ULK4: variants seen among roughly 807,000 people sequenced by gnomAD.
ULK4 encodes the protein inactive serine/threonine-protein kinase ULK4.
ULK4 carries 133 observed loss-of-function variants against 160.6 expected under a neutral mutation model. The ratio of observed to expected loss-of-function variants is 0.83; its 90% CI spans 0.72 to 0.96. ULK4 has a LOEUF of 0.96. Ranked by LOEUF, ULK4 falls within the 40% of genes least tolerant of loss-of-function variation. The pLI, the probability that ULK4 is intolerant of heterozygous loss-of-function variation, is 0.00. For missense variants in ULK4, 1,580 were observed against 1,499.5 expected (o/e 1.05, Z -0.89); for synonymous variants, 534 against 539.8 (o/e 0.99, Z 0.15).
chr3:41,412,142 T>G (rs1440023146), intron 34 of ULK4, among the ~76,000 whole-genome samples: 1 of 152,182 alleles, frequency 6.6e-6, no homozygotes, highest in African/African-American at 2.4e-5. Context: ...ATTGCAATTT[T>G]CACGTAAGTA....
intron 22 of ULK4, among the ~76,000 whole-genome samples, chr3:41,749,995 G>A (rs1210082403): frequency 6.6e-6 from 1 of 152,166 alleles, no homozygotes; most frequent in Non-Finnish European, 1.5e-5. Flanking sequence ...AAGAAAGTGA[G>A]GATGTCAGTC....
chr3:41,263,483 CT>C (rs1432499402), intron 35 of ULK4, among the ~76,000 whole-genome samples: 3 of 152,208 alleles, frequency 2.0e-5, no homozygotes, highest in African/African-American at 7.2e-5. Context: ...CAGCTTCCTT[CT>C]TTCCCCAGTT....
chr3:41,583,336 G>A (rs184205976), intron 31 of ULK4, among the ~76,000 whole-genome samples: 194 of 151,728 alleles, frequency 1.3e-3, no homozygotes, highest in African/African-American at 4.2e-3. Flanking sequence ...AACCTTTTAC[G>A]GCAATTTGAT....
chr3:41,791,597 C>T (rs1004336277), intron 20 of ULK4, among the ~76,000 whole-genome samples: 14 of 152,108 alleles, frequency 9.2e-5, no homozygotes, highest in African/African-American at 2.9e-4. Context: ...CGATCTTCCA[C>T]GTTTATACCA....
rs142129488 is a variant in ULK4, at chr3:41,318,243, TAAG to T, written c.3679-68672_3679-68670del. Among the ~76,000 whole-genome samples, 515 of 152,280 alleles carry T rather than the reference TAAG, an allele frequency of 3.4e-3. 2 individuals are homozygous for T. Among genetic ancestry groups the T allele is most frequent in the East Asian group, 0.016 (81 of 5,180 alleles). ...TGGCATTTTCTCTAGCATAGAGAGT[TAAG>T]AAGATTTTTTTTTAATTAGAGTCTC... On this transcript the variant is annotated intron_variant, in intron 35 of 36. Transcript: ENST00000301831.
chr3:41,795,520 T>C (rs578183595), intron 20 of ULK4, among the ~76,000 whole-genome samples: 28 of 152,298 alleles, frequency 1.8e-4, no homozygotes, highest in African/African-American at 6.3e-4. Context: ...AAACAAAACA[T>C]AGTCCTAGAT....
chr3:41,494,621 GA>G (rs1296307632), intron 32 of ULK4, among the ~76,000 whole-genome samples: 2 of 152,184 alleles, frequency 1.3e-5, no homozygotes, highest in African/African-American at 4.8e-5. Flanking sequence ...ATTCAATTAG[GA>G]AAAGAGGAAG....
intron 20 of ULK4, among the ~76,000 whole-genome samples, chr3:41,797,014 C>T (rs1201905437): frequency 6.6e-6 from 1 of 152,148 alleles, no homozygotes; most frequent in Non-Finnish European, 1.5e-5. Context: ...AAACAATAAG[C>T]AGTAGCAGTA....
intron 32 of ULK4, among the ~76,000 whole-genome samples, chr3:41,474,117 A>G (rs1450941106): frequency 6.6e-6 from 1 of 152,168 alleles, no homozygotes; most frequent in Non-Finnish European, 1.5e-5. Context: ...CTATACTACA[A>G]AGCAATAGTA....
At chr3:41,957,916 T>C (rs1373486434) in intron 1 of ULK4, among the ~76,000 whole-genome samples, 1 of 151,646 alleles carries the variant, frequency 6.6e-6, no homozygotes, top group African/African-American at 2.4e-5. Flanking sequence ...TGGTAGCCTG[T>C]GCATGTAGTC....
chr3:41,820,763 C>T (rs2041122267), intron 18 of ULK4, among the ~76,000 whole-genome samples: 1 of 152,142 alleles, frequency 6.6e-6, no homozygotes, highest in Non-Finnish European at 1.5e-5. Context: ...TACACATGTA[C>T]ACCCTGAATC....
chr3:41,381,152 C>T (rs974195982), intron 35 of ULK4, among the ~76,000 whole-genome samples: 2 of 152,198 alleles, frequency 1.3e-5, no homozygotes, highest in African/African-American at 2.4e-5. Context: ...GTCTTCAACA[C>T]CACCTTTATC....
At chr3:41,568,160 C>T (rs142452942) in intron 31 of ULK4, among the ~76,000 whole-genome samples, 116 of 152,256 alleles carry the variant, frequency 7.6e-4, no homozygotes, top group African/African-American at 2.3e-3. Context: ...AGAAAAAAAG[C>T]CCTGCCCTTA....
intron 32 of ULK4, among the ~76,000 whole-genome samples, chr3:41,564,991 A>C (rs1264073935): frequency 2.0e-5 from 3 of 152,164 alleles, no homozygotes; most frequent in African/African-American, 7.2e-5. Flanking sequence ...CTATGTTTAA[A>C]TTCACAATAC....
chr3:41,705,334 G>T, intron 25 of ULK4, 29 bp from the exon 26 acceptor site: 1 of 1,540,364 alleles, frequency 6.5e-7, no homozygotes, highest in South Asian at 1.2e-5. Flanking sequence ...TTAATAAATA[G>T]AGTTTCAAAG....
chr3:41,840,135 G>T (rs975725153), intron 17 of ULK4, among the ~76,000 whole-genome samples: 7 of 152,106 alleles, frequency 4.6e-5, no homozygotes, highest in African/African-American at 1.7e-4. Context: ...TTTGAAAAAG[G>T]AAGAAAATGT....
chr3:41,490,733 T>C (rs567565480), intron 32 of ULK4, among the ~76,000 whole-genome samples: 2 of 152,220 alleles, frequency 1.3e-5, no homozygotes, highest in Non-Finnish European at 2.9e-5. Context: ...ATGTCTACCA[T>C]GGTTTGGGAA....
In ULK4 at chr3:41,246,976, C is replaced by T. The variant is rs372547665; in HGVS notation, c.3781G>A (p.Ala1261Thr). The part of the protein sequence containing the change: ...APGSGSFADS[A>T]VAPLALEILQ... ...ATTTCCAGGGCCAAGGGAGCCACCG[C>T]ACTGTCGGCAAATGAACTGTAAGAA... The change falls in exon 37 of 37, where the codon GCG (alanine) becomes ACG (threonine). Residue 1261 changes from alanine (A) to threonine (T), a missense_variant. Coordinates refer to ENST00000301831, the MANE Select transcript of ULK4 (RefSeq NM_017886.4). The T allele has an allele frequency of 9.3e-5, 150 of 1,613,952 alleles. No homozygotes were observed. The highest frequency in any genetic ancestry group is 1.2e-4 in the Non-Finnish European group (136 of 1,179,940).
At chr3:41,945,156 A>G (rs1407271467) in intron 2 of ULK4, among the ~76,000 whole-genome samples, 1 of 152,234 alleles carries the variant, frequency 6.6e-6, no homozygotes, top group African/African-American at 2.4e-5. Flanking sequence ...AGACTCTGCC[A>G]TCACAGCTAT....
Sources: gnomAD v4.1 joint callset for allele counts (sites outside exome capture counted in the v4.1 genomes callset) on GRCh38, gnomAD v4.1.1 for gene constraint, MANE v1.5 for transcripts, NCBI Gene and HGNC (gene_info 2026-07-23, HGNC 2026-07-21) for gene names.